PLPPR3: variants seen among roughly 807,000 people sequenced by gnomAD.
The protein encoded by PLPPR3 is phospholipid phosphatase related 3, also known as phospholipid phosphatase-related protein type 3.
Under a neutral mutation model 27.3 loss-of-function variants are expected in PLPPR3, and 14 were observed. The ratio of observed to expected loss-of-function variants is 0.51; its 90% confidence interval spans 0.34 to 0.80. The LOEUF (loss-of-function observed/expected upper bound fraction) is 0.80. Ranked by LOEUF, PLPPR3 falls within the 30% of genes least tolerant of loss-of-function variation. The pLI, the probability that PLPPR3 is intolerant of heterozygous loss-of-function variation, is 0.01. For missense variants in PLPPR3, 1,287 were observed against 1,056.9 expected (o/e 1.22, Z -3.02); for synonymous variants, 671 against 508.0 (o/e 1.32, Z -4.32).
chr19:813,087 C>A lies in PLPPR3; in HGVS notation c.1640G>T (p.Gly547Val). Residue 547 changes from glycine to valine, a missense_variant, in exon 8 of 8, where the codon GGC becomes GTC. Gly to Val is a moderately radical substitution (Grantham distance 109, BLOSUM62 -3). Coordinates refer to ENST00000520876, the MANE Select transcript of PLPPR3 (RefSeq NM_001270366.2). This position sits in a 1 kb window ranked among gnomAD's most constrained non-coding sequence, Gnocchi z 4.1. The part of the protein sequence containing the change: ...LQVIAMSKAP[G>V]APGPKAAETA... The stretch of plus-strand genomic sequence containing the variant: ...CTCGGCCGCCTTGGGGCCCGGCGCG[C>A]CCGGAGCCTTGGACATGGCGATGAC... The A allele has an allele frequency of 2.0e-6, 3 of 1,498,532 alleles. No individual in the cohort carries two copies. In the South Asian group the frequency reaches 3.8e-5, roughly 19 times the overall value. 92.8% of individuals were successfully genotyped at this position (1,498,532 alleles called of 1,614,324 possible).
intron 2 of PLPPR3, among the ~76,000 whole-genome samples, chr19:820,800 G>A (rs2035132194): frequency 6.6e-6 from 1 of 152,074 alleles, no homozygotes; most frequent in Non-Finnish European, 1.5e-5. Context: ...TGGGATTACA[G>A]GCGTGAGCCA....
chr19:813,516 G>A lies in PLPPR3; in HGVS notation c.1211C>T (p.Ser404Phe), dbSNP rs1300037005. 1 of 1,558,350 alleles carries A rather than the reference G, an allele frequency of 6.4e-7. No individual in the cohort carries two copies. Among genetic ancestry groups the A allele is most frequent in the Non-Finnish European group, 8.7e-7 (1 of 1,154,650 alleles). Residue 404 changes from serine (S) to phenylalanine (F), a missense_variant, in exon 8 of 8, where the codon TCC (serine) becomes TTC (phenylalanine). Physicochemically the swap from Ser to Phe is radical, Grantham distance 155. Coordinates refer to ENST00000520876, the MANE Select transcript of PLPPR3 (RefSeq NM_001270366.2). This position sits in a 1 kb window ranked among gnomAD's most constrained non-coding sequence, Gnocchi z 4.1. Reference sequence around the variant, plus strand: ...CTTCCACTCGCTGATGAGCTGCTTGGAGCGCGAGGCGTCCAGCGGCACGTG... The same window carrying A: ...CTTCCACTCGCTGATGAGCTGCTTGAAGCGCGAGGCGTCCAGCGGCACGTG... ...TIHVPLDASR[S>F]KQLISEWKQK...
intron 2 of PLPPR3, among the ~76,000 whole-genome samples, chr19:817,297 T>C (rs140435143): frequency 1.3e-5 from 2 of 150,872 alleles, no homozygotes; most frequent in Non-Finnish European, 3.0e-5. Flanking sequence ...AGCCTTTTTT[T>C]TTCCCCCACT....
chr19:821,352 A>T, intron 2 of PLPPR3, 133 bp downstream of exon 2: 1 of 563,602 alleles, frequency 1.8e-6, no homozygotes, highest in Non-Finnish European at 2.8e-6. Flanking sequence ...CATCCGCCGG[A>T]CACCCCGGTC....
intron 2 of PLPPR3, among the ~76,000 whole-genome samples, chr19:820,618 C>A (rs2035129458): frequency 6.6e-6 from 1 of 152,112 alleles, no homozygotes; most frequent in Non-Finnish European, 1.5e-5. Context: ...CTCCTGGGTT[C>A]AAGCGATTCT....
At position 813,036 on chromosome 19, in the gene PLPPR3, G is replaced by C; in HGVS notation, c.1691C>G (p.Ser564Cys). 1 of 1,515,932 alleles carries C rather than the reference G, an allele frequency of 6.6e-7. No individual in the cohort carries two copies. The highest frequency in any genetic ancestry group is 8.8e-7 in the Non-Finnish European group (1 of 1,140,696). 93.9% of individuals were successfully genotyped at this position (1,515,932 alleles called of 1,614,324 possible). ...CGGCGACCGGTACTGCGAGGAGTCG[G>C]AGCTGGCGCTGGACGACGACGCCGT... ...AETASSSSAS[S>C]DSSQYRSPSD... Residue 564 changes from serine (S) to cysteine (C), a missense_variant, in exon 8 of 8, where the codon TCC (serine) becomes TGC (cysteine). Physicochemically the swap from Ser to Cys is moderately radical, Grantham distance 112. Coordinates refer to ENST00000520876, the MANE Select transcript of PLPPR3 (RefSeq NM_001270366.2). The surrounding 1 kb of genome is among the most constrained non-coding windows in gnomAD (Gnocchi z 4.1).
rs1272364818 is a variant in PLPPR3 at position 813,271 on chromosome 19, G to T, written c.1456C>A (p.Pro486Thr). The T allele has an allele frequency of 2.7e-6, 4 of 1,474,658 alleles. No individual in the cohort carries two copies. Among genetic ancestry groups the T allele is most frequent in the Non-Finnish European group, 3.6e-6 (4 of 1,123,160 alleles). 91.3% of individuals were successfully genotyped at this position (1,474,658 alleles called of 1,614,324 possible). Residue 486 changes from proline (P) to threonine (T), a missense_variant, in exon 8 of 8, where the codon CCG (proline) becomes ACG (threonine). Physicochemically the swap from Pro to Thr is conservative, Grantham distance 38. Transcript: ENST00000520876. This position sits in a 1 kb window ranked among gnomAD's most constrained non-coding sequence, Gnocchi z 4.1. ...PGLGPRVILP[P>T]RAGPPPLVHI... Reference sequence around the variant, plus strand: ...ACCAGCGGCGGCGGCCCCGCGCGCGGTGGGAGGATGACCCGAGGCCCCAGC... The same window carrying T: ...ACCAGCGGCGGCGGCCCCGCGCGCGTTGGGAGGATGACCCGAGGCCCCAGC...
upstream of PLPPR3, among the ~76,000 whole-genome samples, chr19:822,613 C>T (rs1257571081): frequency 6.6e-6 from 1 of 152,134 alleles, no homozygotes; most frequent in Non-Finnish European, 1.5e-5. Flanking sequence ...TTGCGGGGCG[C>T]GGGGCTGGGG....
intron 2 of PLPPR3, among the ~76,000 whole-genome samples, chr19:821,151 C>G (rs1568287991): frequency 6.6e-6 from 1 of 151,236 alleles, no homozygotes; most frequent in African/African-American, 2.4e-5. Flanking sequence ...CACCTGCACC[C>G]AACCCCACCC....
Position 813,400 on chromosome 19 carries a change from C to G in PLPPR3, c.1327G>C (p.Glu443Gln). Residue 443 changes from glutamate to glutamine, a missense_variant, in exon 8 of 8, where the codon GAG becomes CAG. Physicochemically the swap from Glu to Gln is conservative, Grantham distance 29 (BLOSUM62 2). Transcript: ENST00000520876. The surrounding 1 kb of genome is among the most constrained non-coding windows in gnomAD (Gnocchi z 4.1). ...RAPAEPMAEE[E>Q]EEEEDEEEEE... ...TCCTCTTCGTCCTCCTCCTCTTCCT[C>G]CTCCTCCGCCATGGGTTCGGCGGGC... The G allele has an allele frequency of 1.3e-6, 2 of 1,503,286 alleles. No homozygotes were observed. The highest frequency in any genetic ancestry group is 8.8e-7 in the Non-Finnish European group (1 of 1,134,120). 93.1% of individuals were successfully genotyped at this position (1,503,286 alleles called of 1,614,324 possible).
Position 814,732 on chromosome 19 carries a change from T to G in PLPPR3, c.617A>C (p.Gln206Pro), listed in dbSNP as rs749021841. The change falls in exon 6 of 8, where the codon CAG becomes CCG. Residue 206 changes from glutamine to proline, a missense_variant. Transcript: ENST00000520876. ...ILSARKTFPS[Q>P]HATLSAFAAV... ...GGCGAAGGCTGACAGCGTGGCGTGC[T>G]GGGACGGGAAGGTCTTCCTGTAAGA... The G allele has an allele frequency of 6.3e-7, 1 of 1,579,506 alleles. No individual in the cohort carries two copies. Among genetic ancestry groups the G allele is most frequent in the Non-Finnish European group, 8.6e-7 (1 of 1,166,280 alleles).
chr19:815,589 T>A, intron 3 of PLPPR3, 77 bp downstream of exon 3: 3 of 1,409,506 alleles, frequency 2.1e-6, no homozygotes, highest in Non-Finnish European at 2.9e-6. Context: ...CCAGTGTGGA[T>A]GTTCACCGAG....
chr19:815,051 G>A lies in PLPPR3; in HGVS notation c.434C>T (p.Ala145Val). 4 of 1,608,000 alleles carry A rather than the reference G, an allele frequency of 2.5e-6. No homozygotes were observed. Among genetic ancestry groups the A allele is most frequent in the Non-Finnish European group, 3.4e-6 (4 of 1,179,908 alleles). The change falls in exon 5 of 8, where the codon GCC becomes GTC. Residue 145 changes from alanine (A) to valine (V), a missense_variant. Physicochemically the swap from Ala to Val is moderately conservative, Grantham distance 64. Transcript: ENST00000520876. ...CAGCTGGATCACGTCCGTCACCAGG[G>A]CTGTGGCACACAGGCCGAACACGTG... is the stretch of plus-strand genomic sequence containing the variant. ...GVHVFGLCATALVTDVIQLAT... is the reference protein window; with the variant it reads ...GVHVFGLCATVLVTDVIQLAT...
intron 1 of PLPPR3, 109 bp downstream of exon 1, chr19:821,806 C>T (rs1325580635): frequency 1.1e-5 from 4 of 349,600 alleles, no homozygotes; most frequent in Non-Finnish European, 2.0e-5. Context: ...GGCGGGGGGT[C>T]TCCGGGCGGG....
At chr19:814,187 T>TC (rs1232109243) in intron 7 of PLPPR3, among the ~76,000 whole-genome samples, 2 of 127,260 alleles carry the variant, frequency 1.6e-5, no homozygotes, top group African/African-American at 3.1e-5. Flanking sequence ...CACCCGTGCC[T>TC]CCCCCCTAGA....
In PLPPR3 at chr19:813,336, G is replaced by T. The variant is rs991169314; in HGVS notation, c.1391C>A (p.Ala464Asp). 2.0e-6 allele frequency: 3 copies of T among 1,473,154 alleles called. No homozygotes were observed. Among genetic ancestry groups the T allele is most frequent in the Non-Finnish European group, 2.7e-6 (3 of 1,121,540 alleles). The allele number at this position is 1,473,154 out of a possible 1,614,324, so 91.3% of individuals were successfully genotyped here. The change falls in exon 8 of 8, where the codon GCC becomes GAC. Residue 464 changes from alanine to aspartate, a missense_variant. Coordinates refer to ENST00000520876, the MANE Select transcript of PLPPR3 (RefSeq NM_001270366.2). This position sits in a 1 kb window ranked among gnomAD's most constrained non-coding sequence, Gnocchi z 4.1. Reference sequence around the variant, plus strand: ...CACGGTGGGGTAGAGCGAGGGCGGGGCCGGGCCCTCGTCCTCCTCCTCTTC... The same window carrying T: ...CACGGTGGGGTAGAGCGAGGGCGGGTCCGGGCCCTCGTCCTCCTCCTCTTC... ...EEEEEEDEGP[A>D]PPSLYPTVQA... is the part of the protein sequence containing the mutation.
intron 2 of PLPPR3, among the ~76,000 whole-genome samples, chr19:819,643 G>A (rs1176672318): frequency 6.6e-6 from 1 of 152,162 alleles, no homozygotes; most frequent in Non-Finnish European, 1.5e-5. Flanking sequence ...TCTATGAAGT[G>A]ATGTGGGCAA....
rs1447052647 is a variant in PLPPR3 at position 813,687 on chromosome 19, C to T, written c.1040G>A (p.Gly347Asp). The change falls in exon 8 of 8, where the codon GGC becomes GAC. Residue 347 changes from glycine to aspartate, a missense_variant. By Grantham distance (94) the Gly-to-Asp change is moderately conservative. Transcript: ENST00000520876. The surrounding 1 kb of genome is among the most constrained non-coding windows in gnomAD (Gnocchi z 4.1). ...GTCCACGCTGGCGCGCTTCAGGCTGCCCAGCGAGGTCTTCTCGCGGGCCAC... is the reference window on the plus strand; with the variant it reads ...GTCCACGCTGGCGCGCTTCAGGCTGTCCAGCGAGGTCTTCTCGCGGGCCAC... Reference protein sequence around the residue: ...RPVAREKTSLGSLKRASVDVD... With the variant: ...RPVAREKTSLDSLKRASVDVD... 12 of 1,531,560 alleles carry T rather than the reference C, an allele frequency of 7.8e-6. No individual in the cohort carries two copies. Among genetic ancestry groups the T allele is most frequent in the Non-Finnish European group, 1.0e-5 (12 of 1,143,904 alleles). 94.9% of individuals were successfully genotyped at this position (1,531,560 alleles called of 1,614,324 possible).
intron 2 of PLPPR3, among the ~76,000 whole-genome samples, chr19:818,074 G>C (rs1001167231): frequency 6.6e-6 from 1 of 152,174 alleles, no homozygotes; most frequent in Non-Finnish European, 1.5e-5. Context: ...TGGGGCCTGG[G>C]CGCGGCCTTA....
Sources: gnomAD v4.1 joint callset for allele counts (sites outside exome capture counted in the v4.1 genomes callset) on GRCh38, gnomAD v4.1.1 for gene constraint, Gnocchi (gnomAD v3.1) non-coding constraint, MANE v1.5 for transcripts, NCBI Gene and HGNC (gene_info 2026-07-23, HGNC 2026-07-21) for gene names.